The following CCDC171 variants were observed in gnomAD, a reference collection of about 807,000 sequenced individuals.
CCDC171 encodes coiled-coil domain containing 171.
In CCDC171, 177 loss-of-function variants were observed where a neutral mutation model predicts 168.2. That is an observed-to-expected ratio of 1.05 (90% CI 0.93 to 1.19). CCDC171 has a LOEUF of 1.19. Among genes scored for constraint, CCDC171 ranks in the 50% most tolerant of loss-of-function variants. The pLI is 0.00. For synonymous variants in CCDC171, 687 were observed against 540.8 expected, an observed-to-expected ratio of 1.27 and a Z score of -3.75; for missense variants, 1,991 against 1,539.0, an observed-to-expected ratio of 1.29 and a Z score of -4.91.
At chr9:15,913,283 C>G (rs1384405588) in intron 24 of CCDC171, among the ~76,000 whole-genome samples, 2 of 152,140 alleles carry the variant, frequency 1.3e-5, no homozygotes, top group East Asian at 1.9e-4. Flanking sequence ...AGGAATTTAT[C>G]CATGTCATCT....
intron 1 of CCDC171, among the ~76,000 whole-genome samples, chr9:16,050,311 C>T (rs925092459): frequency 1.3e-5 from 2 of 152,218 alleles, no homozygotes; most frequent in Non-Finnish European, 2.9e-5. Flanking sequence ...GCTGTAAAAG[C>T]ATAAATTGCT....
Position 16,055,216 on chromosome 9 carries a change from C to T in CCDC171, n.90-5430C>T, listed in dbSNP as rs552264850. 6.6e-5 allele frequency among the ~76,000 whole-genome samples: 10 copies of T among 152,142 alleles called. 1 individual carries two copies. The South Asian group carries it at 1.2e-3, about 19-fold the overall frequency. On this transcript the variant is annotated intron_variant and non_coding_transcript_variant, in intron 1 of 1. Transcript: ENST00000478913. Reference sequence around the variant, plus strand: ...GGCAGAGATTTTTGTTATCTTTGTTCGTTTATTTGATAGGGAGATGGGGTA... The same window carrying T: ...GGCAGAGATTTTTGTTATCTTTGTTTGTTTATTTGATAGGGAGATGGGGTA...
chr9:15,829,806 G>A (rs2060156605), intron 21 of CCDC171, among the ~76,000 whole-genome samples: 1 of 152,018 alleles, frequency 6.6e-6, no homozygotes, highest in African/African-American at 2.4e-5. Context: ...TATAGTCCAA[G>A]CTACTCAAGA....
intron 25 of CCDC171, among the ~76,000 whole-genome samples, chr9:15,941,011 T>G (rs1279144943): frequency 6.6e-6 from 1 of 151,990 alleles, no homozygotes; most frequent in Admixed American, 6.6e-5. Flanking sequence ...CTTCTGGTAC[T>G]AAACAAGTGT....
intron 6 of CCDC171, among the ~76,000 whole-genome samples, chr9:15,607,562 A>G (rs1372242340): frequency 6.6e-6 from 1 of 152,024 alleles, no homozygotes; most frequent in African/African-American, 2.4e-5. Context: ...CCTGGGCTCA[A>G]GCAATCCTCC....
At chr9:16,103,749 C>T in the CCDC171 span, among the ~76,000 whole-genome samples, 1 of 152,152 alleles carries the variant, frequency 6.6e-6, no homozygotes, top group South Asian at 2.1e-4. Flanking sequence ...GGACCAAGGG[C>T]CATATCAGGA....
At chr9:16,039,316 G>C (rs965848036), upstream of CCDC171, among the ~76,000 whole-genome samples, 4 of 152,154 alleles carry the variant, frequency 2.6e-5, no homozygotes, top group African/African-American at 7.2e-5. Context: ...GGGAGGGGGT[G>C]ATTTTGGCAT....
rs572359024 is a variant in CCDC171, at chr9:15,819,308, A to T, written c.3268-27394A>T. On this transcript the variant is annotated intron_variant, in intron 21 of 25. Coordinates refer to ENST00000380701, the MANE Select transcript of CCDC171 (RefSeq NM_173550.4). ...AACTAACGAGCAAAATAACCAGCTA[A>T]CATCATAATGACAGGATCAGATTCA... Among the ~76,000 whole-genome samples, 1,010 of 117,738 alleles carry T rather than the reference A, an allele frequency of 8.6e-3. 312 individuals carry two copies. The highest frequency in any genetic ancestry group is 0.032 in the African/African-American group (988 of 31,312). 77.2% of individuals were successfully genotyped at this position (117,738 alleles called of 152,430 possible).
At chr9:15,637,990 T>C (rs1355537219) in intron 7 of CCDC171, among the ~76,000 whole-genome samples, 2 of 152,144 alleles carry the variant, frequency 1.3e-5, no homozygotes, top group Admixed American at 1.3e-4. Context: ...TACCCAGTAA[T>C]GGGATGGCTG....
chr9:16,075,534 G>T, the CCDC171 span, among the ~76,000 whole-genome samples: 1 of 152,056 alleles, frequency 6.6e-6, no homozygotes, highest in South Asian at 2.1e-4. Flanking sequence ...ATAAACTCTG[G>T]TTCCTTTAGG....
chr9:15,705,091 G>GACACACACACACACACACAC lies in CCDC171; in HGVS notation c.1318+9765_1318+9784dup, dbSNP rs3082789. ...GCTAATAGATCTTAAGTATCCTTAC[G>GACACACACACACACACACAC]ACACACACACACACACACACACACA... On this transcript the variant is annotated intron_variant, in intron 11 of 25. Transcript: ENST00000380701. Among the ~76,000 whole-genome samples the GACACACACACACACACACAC allele has an allele frequency of 1.1e-3, 159 of 147,754 alleles. 1 individual carries two copies. The highest frequency in any genetic ancestry group is 0.01 in the Middle Eastern group (3 of 288).
intron 6 of CCDC171, among the ~76,000 whole-genome samples, chr9:15,620,550 C>T (rs1425074723): frequency 6.6e-6 from 1 of 152,158 alleles, no homozygotes; most frequent in African/African-American, 2.4e-5. Context: ...GGAGTTGCTT[C>T]TTATAGATGA....
At chr9:16,057,214 T>A (rs1342515340) in intron 1 of CCDC171, among the ~76,000 whole-genome samples, 2 of 152,196 alleles carry the variant, frequency 1.3e-5, no homozygotes, top group Non-Finnish European at 2.9e-5. Context: ...ATTAACCCCA[T>A]TTTATAGATG....
chr9:15,983,507 T>TGAGAGA (rs1481153941), intron 3 of CCDC171, among the ~76,000 whole-genome samples: 1 of 143,298 alleles, frequency 7.0e-6, no homozygotes, highest in African/African-American at 2.5e-5. Flanking sequence ...TGTGTGTGTG[T>TGAGAGA]GTGTGAGAGA....
At chr9:16,082,496 A>G in the CCDC171 span, among the ~76,000 whole-genome samples, 2 of 152,206 alleles carry the variant, frequency 1.3e-5, no homozygotes, top group East Asian at 3.8e-4. Context: ...ATAAAGCTTC[A>G]TCAGTATTTT....
At chr9:16,038,881 A>AAAAAAAAAAAAAAAAG (rs1554714920), upstream of CCDC171, among the ~76,000 whole-genome samples, 1 of 135,090 alleles carries the variant, frequency 7.4e-6, no homozygotes, top group Non-Finnish European at 1.6e-5. Context: ...AAAAAAAAAA[A>AAAAAAAAAAAAAAAAG]AAAGCTGAAT....
intron 21 of CCDC171, among the ~76,000 whole-genome samples, chr9:15,786,566 G>A (rs1340138574): frequency 6.6e-6 from 1 of 151,936 alleles, no homozygotes; most frequent in Non-Finnish European, 1.5e-5. Flanking sequence ...TTCTTTCTAT[G>A]CTAATAAGTA....
At chr9:15,629,751 G>A (rs1426651775) in intron 7 of CCDC171, among the ~76,000 whole-genome samples, 1 of 152,114 alleles carries the variant, frequency 6.6e-6, no homozygotes, top group Non-Finnish European at 1.5e-5. Context: ...TGAAATGAAG[G>A]AAAAAATGTT....
intron 25 of CCDC171, among the ~76,000 whole-genome samples, chr9:15,944,649 T>G: frequency 6.6e-6 from 1 of 152,016 alleles, no homozygotes; most frequent in South Asian, 2.1e-4. Context: ...CATGCGGGTT[T>G]AAATGAAAGG....
Sources: allele counts gnomAD v4.1 joint callset (sites outside exome capture counted in the v4.1 genomes callset), GRCh38; gene constraint gnomAD v4.1.1; transcripts MANE v1.5; gene names NCBI Gene and HGNC (gene_info 2026-07-23, HGNC 2026-07-21).